Variants in TMEM132B observed in about 807,000 individuals in gnomAD.
TMEM132B encodes the protein transmembrane protein 132B.
TMEM132B carries 18 observed loss-of-function variants against 90.8 expected under a neutral mutation model. The ratio of observed to expected loss-of-function variants is 0.20; its 90% CI spans 0.14 to 0.29. TMEM132B has a LOEUF of 0.29. Ranked by LOEUF, TMEM132B falls within the 10% of genes least tolerant of loss-of-function variation. The pLI is 1.00. For synonymous variants in TMEM132B, 504 were observed against 523.3 expected, an observed-to-expected ratio of 0.96 and a Z score of 0.50; for missense variants, 1,096 against 1,326.8, an observed-to-expected ratio of 0.83 and a Z score of 2.70.
chr12:125,241,857 T>C (rs1254171202), intron 1 of TMEM132B, among the ~76,000 whole-genome samples: 1 of 152,170 alleles, frequency 6.6e-6, no homozygotes, highest in Non-Finnish European at 1.5e-5. Flanking sequence ...TTTCTTAGCA[T>C]TGGCTGCACT....
chr12:125,486,702 C>G (rs756347494), intron 3 of TMEM132B, among the ~76,000 whole-genome samples: 2 of 152,186 alleles, frequency 1.3e-5, no homozygotes, highest in African/African-American at 2.4e-5. Context: ...TGCTAGGACC[C>G]TCTGAGGGTT....
At chr12:125,302,958 A>T (rs1422001203) in intron 1 of TMEM132B, among the ~76,000 whole-genome samples, 1 of 152,060 alleles carries the variant, frequency 6.6e-6, no homozygotes, top group Non-Finnish European at 1.5e-5. Flanking sequence ...TTAGCCAGGC[A>T]TGATGGCAGG....
intron 2 of TMEM132B, among the ~76,000 whole-genome samples, chr12:125,367,495 CTCTT>C (rs1417072928): frequency 2.6e-5 from 4 of 152,122 alleles, no homozygotes; most frequent in African/African-American, 9.7e-5. Context: ...TGAGCATTCT[CTCTT>C]TCTCTTCCAT....
intron 1 of TMEM132B, among the ~76,000 whole-genome samples, chr12:125,189,762 T>C (rs148950583): frequency 6.6e-6 from 1 of 152,064 alleles, no homozygotes; most frequent in Non-Finnish European, 1.5e-5. Context: ...GTGGTTGCCT[T>C]GATCCAAGGG....
At chr12:125,639,448 C>A (rs1300920482) in intron 5 of TMEM132B, among the ~76,000 whole-genome samples, 1 of 152,202 alleles carries the variant, frequency 6.6e-6, no homozygotes, top group Admixed American at 6.5e-5. Flanking sequence ...CATATTCATT[C>A]ACACACTCAG....
At chr12:125,604,993 G>A (rs962538624) in intron 5 of TMEM132B, among the ~76,000 whole-genome samples, 4 of 152,192 alleles carry the variant, frequency 2.6e-5, no homozygotes, top group Non-Finnish European at 5.9e-5. Context: ...GGGGGTGACA[G>A]AAGAGGTGGT....
At position 125,492,675 on chromosome 12, in the gene TMEM132B, C is replaced by T. The variant is rs948717742; in HGVS notation, c.1107-26764C>T. Among the ~76,000 whole-genome samples, 17 of 152,086 alleles carry T rather than the reference C, an allele frequency of 1.1e-4. No individual in the cohort carries two copies. The highest frequency in any genetic ancestry group is 6.2e-4 in the South Asian group (3 of 4,822). On this transcript the variant is annotated intron_variant, in intron 3 of 8. Coordinates refer to ENST00000682704, the MANE Select transcript of TMEM132B (RefSeq NM_001366854.1). This position sits in a 1 kb window ranked among gnomAD's most constrained non-coding sequence, Gnocchi z 5.8. ...GAGGGGCAGGAAGGCAGTGGTGGCCCGGCCTGTGCTCTGTCCCTGGGCTCA... is the reference window on the plus strand; with the variant it reads ...GAGGGGCAGGAAGGCAGTGGTGGCCTGGCCTGTGCTCTGTCCCTGGGCTCA...
chr12:125,315,948 T>C (rs899430777), intron 1 of TMEM132B, among the ~76,000 whole-genome samples: 1 of 152,100 alleles, frequency 6.6e-6, no homozygotes, highest in Non-Finnish European at 1.5e-5. Context: ...CACCACCCCC[T>C]GGATGTTGCA....
In TMEM132B at chr12:125,656,199, A is replaced by T. The variant is rs751098722; in HGVS notation, c.*1489A>T. The T allele has an allele frequency of 1.2e-4, 18 of 152,254 alleles. No homozygotes were observed. Among genetic ancestry groups the T allele is most frequent in the Admixed American group, 4.6e-4 (7 of 15,284 alleles). The allele number at this position is 152,254 out of a possible 1,614,324, so 9.4% of individuals were successfully genotyped here. On this transcript the variant is annotated 3_prime_UTR_variant, in exon 9 of 9. Coordinates refer to ENST00000682704, the MANE Select transcript of TMEM132B (RefSeq NM_001366854.1). ...TAAGATTGTATTATTGGAAATGTAG[A>T]CACTGGACTAGTATGCCTCATTATG... is the stretch of plus-strand genomic sequence containing the variant.
chr12:125,539,764 A>G (rs1420438884), intron 4 of TMEM132B, among the ~76,000 whole-genome samples: 1 of 152,172 alleles, frequency 6.6e-6, no homozygotes, highest in Non-Finnish European at 1.5e-5. Flanking sequence ...CAGTCTGGCT[A>G]GAGTTTTATC....
intron 3 of TMEM132B, among the ~76,000 whole-genome samples, chr12:125,501,323 A>G (rs1478078102): frequency 6.6e-6 from 1 of 152,256 alleles, no homozygotes; most frequent in Non-Finnish European, 1.5e-5. Flanking sequence ...TATATTAAAA[A>G]TTATGTCGTT....
In TMEM132B at chr12:125,277,483, A is replaced by T. The variant is rs1001891617; in HGVS notation, c.68-71969A>T. Among the ~76,000 whole-genome samples, 223 of 133,352 alleles carry T rather than the reference A, an allele frequency of 1.7e-3. 7 individuals carry two copies. The highest frequency in any genetic ancestry group is 4.5e-4 in the Non-Finnish European group (28 of 62,100). The allele number at this position is 133,352 out of a possible 152,430, so 87.5% of individuals were successfully genotyped here. A position where few individuals can be genotyped will look rare whatever the true frequency, so the allele number is the denominator to read the frequency against. On this transcript the variant is annotated intron_variant, in intron 1 of 8. Coordinates refer to ENST00000682704, the MANE Select transcript of TMEM132B (RefSeq NM_001366854.1). The surrounding 1 kb of genome is among the most constrained non-coding windows in gnomAD (Gnocchi z 4.3). ...ACAAGAGCAAGACTCTGTCTCAAAAAAAAAAGATGAAGAGGGAGAACACAC... is the reference window on the plus strand; with the variant it reads ...ACAAGAGCAAGACTCTGTCTCAAAATAAAAAGATGAAGAGGGAGAACACAC...
intron 1 of TMEM132B, among the ~76,000 whole-genome samples, chr12:125,228,969 G>A (rs936987861): frequency 1.3e-5 from 2 of 152,124 alleles, no homozygotes; most frequent in African/African-American, 4.8e-5. Context: ...CATCTTTCCT[G>A]CCTGGATGCA....
intron 3 of TMEM132B, among the ~76,000 whole-genome samples, chr12:125,478,830 T>C (rs1163319606): frequency 2.6e-5 from 4 of 151,860 alleles, no homozygotes; most frequent in Non-Finnish European, 4.4e-5. Context: ...AAAGTTGAAA[T>C]GAAGGAAAAA....
intron 4 of TMEM132B, among the ~76,000 whole-genome samples, chr12:125,529,791 A>G (rs1453912111): frequency 6.6e-6 from 1 of 152,278 alleles, no homozygotes; most frequent in Non-Finnish European, 1.5e-5. Context: ...AAATCTAAAC[A>G]GTGCTTGAAT....
chr12:125,307,965 A>C (rs1403562617), intron 1 of TMEM132B, among the ~76,000 whole-genome samples: 7 of 135,748 alleles, frequency 5.2e-5, no homozygotes, highest in African/African-American at 1.9e-4. Flanking sequence ...ATATATATTA[A>C]GTAATATAAG....
At chr12:125,567,017 A>AT (rs1315235861) in intron 4 of TMEM132B, among the ~76,000 whole-genome samples, 3 of 151,292 alleles carry the variant, frequency 2.0e-5, no homozygotes, top group Non-Finnish European at 4.4e-5. Context: ...TAATTTTTGT[A>AT]TTTTTTAGTA....
intron 4 of TMEM132B, among the ~76,000 whole-genome samples, chr12:125,575,168 A>G (rs1884913911): frequency 6.8e-6 from 1 of 146,852 alleles, no homozygotes; most frequent in Non-Finnish European, 1.5e-5. Context: ...CAGTCACACA[A>G]TTTTACACCC....
chr12:125,534,796 A>G (rs1592980129), intron 4 of TMEM132B, among the ~76,000 whole-genome samples: 1 of 152,206 alleles, frequency 6.6e-6, no homozygotes, highest in African/African-American at 2.4e-5. Context: ...TTAGTTTAGA[A>G]CCTGAAGCTA....
Sources: gnomAD v4.1 joint callset for allele counts (sites outside exome capture counted in the v4.1 genomes callset) on GRCh38, gnomAD v4.1.1 for gene constraint, Gnocchi (gnomAD v3.1) non-coding constraint, MANE v1.5 for transcripts, NCBI Gene and HGNC (gene_info 2026-07-23, HGNC 2026-07-21) for gene names.